SECISBP2: variants seen among roughly 807,000 people sequenced by gnomAD.
The protein encoded by SECISBP2 is SECIS binding protein 2, also known as selenocysteine insertion sequence-binding protein 2.
In SECISBP2, 96 loss-of-function variants were observed where a neutral mutation model predicts 98.2. The ratio of observed to expected loss-of-function variants is 0.98; its 90% CI spans 0.83 to 1.16. SECISBP2 has a LOEUF of 1.16. SECISBP2 is among the 50% of genes most tolerant of loss of function. The probability of loss-of-function intolerance (pLI) is 0.00; values close to 1 mark genes in which losing one functional copy is unlikely to be tolerated. For synonymous variants in SECISBP2, 407 were observed against 370.2 expected (o/e 1.10, Z -1.14); for missense variants, 1,046 against 1,022.9 (o/e 1.02, Z -0.31).
chr9:89,319,521 C>G (rs956405996), intron 1 of SECISBP2, 131 bp from the exon 2 acceptor site: 6 of 1,036,466 alleles, frequency 5.8e-6, no homozygotes, highest in Non-Finnish European at 8.9e-6. Context: ...CTTGTCTTTA[C>G]GAGGCAGAAG....
chr9:89,352,839 CT>C (rs879335688), intron 14 of SECISBP2, among the ~76,000 whole-genome samples: 1,485 of 142,686 alleles, frequency 0.01, 19 homozygotes, highest in African/African-American at 0.031. Context: ...CTGAAGATTC[CT>C]TTTTTTTTTT....
intron 6 of SECISBP2, chr9:89,334,057 T>TCGGTG: frequency 9.1e-7 from 1 of 1,096,658 alleles, no homozygotes; most frequent in South Asian, 2.5e-5. Context: ...GTAGTGTTGC[T>TCGGTG]GTACTTATGC....
In SECISBP2 at chr9:89,325,580, T is replaced by C; in HGVS notation, c.336T>C (p.Leu112=). 5.0e-6 allele frequency: 8 copies of C among 1,614,170 alleles called. No homozygotes were observed. Among genetic ancestry groups the C allele is most frequent in the Non-Finnish European group, 6.8e-6 (8 of 1,180,024 alleles). The change falls in exon 3 of 17, where the codon CTT becomes CTC. Residue 112 remains leucine (L), a synonymous_variant. Coordinates refer to ENST00000375807, the MANE Select transcript of SECISBP2 (RefSeq NM_024077.5). ...NVYSVPGSQY[L]YNQPSCYRGF... Reference sequence around the variant, plus strand: ...ACTCAGTGCCTGGCTCCCAGTATCTTTATAACCAACCCAGTTGTTACCGAG... The same window carrying C: ...ACTCAGTGCCTGGCTCCCAGTATCTCTATAACCAACCCAGTTGTTACCGAG...
intron 12 of SECISBP2, among the ~76,000 whole-genome samples, chr9:89,348,815 CTT>C (rs1830825829): frequency 6.6e-6 from 1 of 152,280 alleles, no homozygotes; most frequent in Non-Finnish European, 1.5e-5. Flanking sequence ...GTGCTGCTCT[CTT>C]TGTCCCCTTT....
intron 7 of SECISBP2, 38 bp from the exon 8 acceptor site, chr9:89,338,420 C>T: frequency 6.2e-7 from 1 of 1,611,356 alleles, no homozygotes; most frequent in Non-Finnish European, 8.5e-7. Context: ...ATTGACCGCC[C>T]TAAAAACAGG....
At chr9:89,348,447 C>G (rs930417856) in intron 12 of SECISBP2, among the ~76,000 whole-genome samples, 2 of 152,124 alleles carry the variant, frequency 1.3e-5, no homozygotes, top group African/African-American at 4.8e-5. Flanking sequence ...GAGGATCCTC[C>G]CTTCCCACCA....
At chr9:89,336,081 CTTTTTT>C (rs59799418) in intron 7 of SECISBP2, among the ~76,000 whole-genome samples, 19 of 33,062 alleles carry the variant, frequency 5.7e-4, no homozygotes, top group South Asian at 9.6e-4. Flanking sequence ...ATTTTAAGTG[CTTTTTT>C]TTTTTTTTTT....
intron 8 of SECISBP2, 120 bp from the exon 9 acceptor site, chr9:89,339,743 CT>C (rs957656816): frequency 7.4e-3 from 4,826 of 655,776 alleles, no homozygotes; most frequent in Non-Finnish European, 8.4e-3. Context: ...AGTTTCGCGG[CT>C]TTTTTTTTTA....
chr9:89,321,665 C>CTCA (rs1564309996), intron 2 of SECISBP2, among the ~76,000 whole-genome samples: 5 of 138,882 alleles, frequency 3.6e-5, no homozygotes, highest in Middle Eastern at 3.7e-3. Flanking sequence ...GACTCTCTCT[C>CTCA]AAAAAAAAAA....
In SECISBP2 at chr9:89,358,191, A is replaced by C; in HGVS notation, c.2461A>C (p.Ile821Leu). 3 of 1,611,660 alleles carry C rather than the reference A, an allele frequency of 1.9e-6. No individual in the cohort carries two copies. Among genetic ancestry groups the C allele is most frequent in the Non-Finnish European group, 2.5e-6 (3 of 1,179,004 alleles). ...GAAAGAAAAAGAAGAGCCACACTAC[A>C]GTGAGTGCTTAAGGGAGAGTTGTGT... is the stretch of plus-strand genomic sequence containing the variant. ...ALKEKEEPHY[I>L]EIWKKHLEAY... The change falls in exon 16 of 17, where the codon ATT becomes CTT. Residue 821 changes from isoleucine (I) to leucine (L), a missense_variant and splice_region_variant. Physicochemically the swap from Ile to Leu is conservative, Grantham distance 5 (BLOSUM62 2). Coordinates refer to ENST00000375807, the MANE Select transcript of SECISBP2 (RefSeq NM_024077.5).
intron 1 of SECISBP2, 108 bp downstream of exon 1, chr9:89,318,720 G>T: frequency 8.0e-7 from 1 of 1,255,376 alleles, no homozygotes. Flanking sequence ...TGGGTCGGAT[G>T]CTGGTGACGG....
At chr9:89,339,797 A>G (rs1829377427) in intron 8 of SECISBP2, 67 bp from the exon 9 acceptor site, 1 of 1,105,724 alleles carries the variant, frequency 9.0e-7, no homozygotes. Flanking sequence ...AAATATAAGC[A>G]AGGAAAAGGT....
At chr9:89,336,081 CTTTTTTT>C (rs59799418) in intron 7 of SECISBP2, among the ~76,000 whole-genome samples, 30 of 33,054 alleles carry the variant, frequency 9.1e-4, no homozygotes, top group South Asian at 4.9e-3. Context: ...ATTTTAAGTG[CTTTTTTT>C]TTTTTTTTTT....
Position 89,332,549 on chromosome 9 carries a change from C to T in SECISBP2, c.802-359C>T, listed in dbSNP as rs1191367868. 13 of 295,496 alleles carry T rather than the reference C, an allele frequency of 4.4e-5. No homozygotes were observed. In the East Asian group the frequency reaches 1.2e-3, roughly 26 times the overall value. 18.3% of individuals were successfully genotyped at this position (295,496 alleles called of 1,614,324 possible). A position where few individuals can be genotyped will look rare whatever the true frequency, so the allele number is the denominator to read the frequency against. On this transcript the variant is annotated intron_variant, in intron 5 of 16. Transcript: ENST00000375807. ...CACAGTTTTGTCTTTTCTAGAATGTCATATAGTTGGAATCATATAGTATGT... is the reference window on the plus strand; with the variant it reads ...CACAGTTTTGTCTTTTCTAGAATGTTATATAGTTGGAATCATATAGTATGT...
In SECISBP2 at chr9:89,334,691, C is replaced by A; in HGVS notation, c.1050C>A (p.Ser350=). 1 of 1,613,936 alleles carries A rather than the reference C, an allele frequency of 6.2e-7. No individual in the cohort carries two copies. Among genetic ancestry groups the A allele is most frequent in the Non-Finnish European group, 8.5e-7 (1 of 1,179,954 alleles). ...CTGAAGCTTTATCTTCGGATCCTTC[C>A]TACAACAAAGAAAAACACATTATTC... ...PSSEALSSDP[S]YNKEKHIIHP... The change falls in exon 7 of 17, where the codon TCC becomes TCA. Residue 350 remains serine, a synonymous_variant. Transcript: ENST00000375807.
chr9:89,319,526 C>A, intron 1 of SECISBP2, 126 bp from the exon 2 acceptor site: 1 of 1,099,930 alleles, frequency 9.1e-7, no homozygotes, highest in Non-Finnish European at 1.4e-6. Context: ...CTTTACGAGG[C>A]AGAAGTTTTT....
At chr9:89,349,389 A>G (rs1830918467) in intron 12 of SECISBP2, among the ~76,000 whole-genome samples, 1 of 152,246 alleles carries the variant, frequency 6.6e-6, no homozygotes, top group African/African-American at 2.4e-5. Flanking sequence ...GCATTTGAGA[A>G]AAAACTTAGA....
intron 6 of SECISBP2, among the ~76,000 whole-genome samples, 184 bp downstream of exon 6, chr9:89,333,170 A>C (rs934662606): frequency 3.3e-5 from 5 of 152,256 alleles, no homozygotes; most frequent in Non-Finnish European, 7.3e-5. Context: ...TCCACACACA[A>C]AGAGTATAAA....
chr9:89,341,196 T>A, intron 9 of SECISBP2, 151 bp from the exon 10 acceptor site: 1 of 704,030 alleles, frequency 1.4e-6, no homozygotes, highest in South Asian at 1.9e-5. Flanking sequence ...TAATGTGGGA[T>A]TGATTTTTTT....
Sources: gnomAD v4.1 joint callset for allele counts (sites outside exome capture counted in the v4.1 genomes callset) on GRCh38, gnomAD v4.1.1 for gene constraint, MANE v1.5 for transcripts, NCBI Gene and HGNC (gene_info 2026-07-23, HGNC 2026-07-21) for gene names.